Variants in NOXA1 observed in about 807,000 individuals in gnomAD.
The protein encoded by NOXA1 is NCF2-like protein.
Under a neutral mutation model 64.8 loss-of-function variants are expected in NOXA1, and 56 were observed. The ratio of observed to expected loss-of-function variants is 0.86; its 90% confidence interval spans 0.70 to 1.08. NOXA1 has a LOEUF of 1.08. Among genes scored for constraint, NOXA1 ranks in the 50% least tolerant of loss-of-function variants. NOXA1 has a pLI of 0.00. For missense variants in NOXA1, 668 were observed against 658.5 expected (o/e 1.01, Z -0.16); for synonymous variants, 295 against 294.8 (o/e 1.00, Z -0.01).
chr9:137,426,176 A>G lies in NOXA1; in HGVS notation c.178-72A>G, dbSNP rs928985572. 34 of 1,359,040 alleles carry G rather than the reference A, an allele frequency of 2.5e-5. No homozygotes were observed. In the African/African-American group the frequency reaches 4.0e-4, roughly 16 times the overall value. The allele number at this position is 1,359,040 out of a possible 1,614,324, so 84.2% of individuals were successfully genotyped here. On this transcript the variant is annotated intron_variant, in intron 1 of 13. Transcript: ENST00000683555. ...ACGGAATTCCGTGGCCCTGTCACCC[A>G]TCACGCTGTATCTGTGATGCTGCGT...
At position 137,423,680 on chromosome 9, in the gene NOXA1, G is replaced by C. The variant is rs1281656524; in HGVS notation, c.151G>C (p.Ala51Pro). 3.7e-6 allele frequency: 5 copies of C among 1,362,228 alleles called. No homozygotes were observed. Among genetic ancestry groups the C allele is most frequent in the Non-Finnish European group, 4.7e-6 (5 of 1,056,186 alleles). The allele number at this position is 1,362,228 out of a possible 1,614,324, so 84.4% of individuals were successfully genotyped here. A position where few individuals can be genotyped will look rare whatever the true frequency, so the allele number is the denominator to read the frequency against. The change falls in exon 1 of 14, where the codon GCC becomes CCC. Residue 51 changes from alanine to proline, a missense_variant. Transcript: ENST00000683555. The part of the protein sequence containing the change: ...CFNAGCVHLL[A>P]GDPEAALRAF... ...CAACGCGGGCTGCGTGCACCTGCTG[G>C]CCGGGGACCCCGAGGCCGCGCTGCG...
In NOXA1 at chr9:137,433,846, G is replaced by T; in HGVS notation, c.1161G>T (p.Gly387=). Residue 387 remains glycine, a synonymous_variant, in exon 12 of 14, where the codon GGG becomes GGT. Coordinates refer to ENST00000683555, the MANE Select transcript of NOXA1 (RefSeq NM_001256067.2). ...AGGACGCAGCTGCCTGCCCCAGGGG[G>T]CTGCAGCTGCAGTGCAGGGTGAGCC... is the stretch of plus-strand genomic sequence containing the variant. ...AWQDAAACPR[G]LQLQCRGAGG... is the part of the protein sequence containing the mutation. 1.4e-6 allele frequency: 2 copies of T among 1,451,140 alleles called. No individual in the cohort carries two copies. The highest frequency in any genetic ancestry group is 9.1e-7 in the Non-Finnish European group (1 of 1,099,438). 89.9% of individuals were successfully genotyped at this position (1,451,140 alleles called of 1,614,324 possible). A position where few individuals can be genotyped will look rare whatever the true frequency, so the allele number is the denominator to read the frequency against.
Position 137,431,475 on chromosome 9 carries a change from C to CT in NOXA1, c.804+134_804+135insT. On this transcript the variant is annotated intron_variant, in intron 8 of 13. Coordinates refer to ENST00000683555, the MANE Select transcript of NOXA1 (RefSeq NM_001256067.2). The surrounding 1 kb of genome is among the most constrained non-coding windows in gnomAD (Gnocchi z 5.6). ...GGGGGTAGACGGGGCCGGGCTCACC[C>CT]GTGGTCCTGGCCCAGCCCAGCCAGA... 1 of 753,176 alleles carries CT rather than the reference C, an allele frequency of 1.3e-6. No homozygotes were observed. The highest frequency in any genetic ancestry group is 1.7e-5 in the South Asian group (1 of 59,016). The allele number at this position is 753,176 out of a possible 1,614,324, so 46.7% of individuals were successfully genotyped here. A position where few individuals can be genotyped will look rare whatever the true frequency, so the allele number is the denominator to read the frequency against.
In NOXA1 at chr9:137,431,727, C is replaced by T. The variant is rs1029545740; in HGVS notation, c.804+386C>T. On this transcript the variant is annotated intron_variant, in intron 8 of 13. Coordinates refer to ENST00000683555, the MANE Select transcript of NOXA1 (RefSeq NM_001256067.2). The surrounding 1 kb of genome is among the most constrained non-coding windows in gnomAD (Gnocchi z 5.6). The stretch of plus-strand genomic sequence containing the variant: ...AGCTCTGGAGGGGCCCCAAGGCTCC[C>T]GCCCCCCATGGGGGCCCAGCAGCGA... Among the ~76,000 whole-genome samples, 5 of 152,112 alleles carry T rather than the reference C, an allele frequency of 3.3e-5. No individual in the cohort carries two copies. Among genetic ancestry groups the T allele is most frequent in the African/African-American group, 9.7e-5 (4 of 41,416 alleles).
chr9:137,431,022 G>T lies in NOXA1; in HGVS notation c.673-53G>T. 22 of 1,612,630 alleles carry T rather than the reference G, an allele frequency of 1.4e-5. No individual in the cohort carries two copies. Among genetic ancestry groups the T allele is most frequent in the Non-Finnish European group, 1.8e-5 (21 of 1,179,662 alleles). On this transcript the variant is annotated intron_variant, in intron 6 of 13. Coordinates refer to ENST00000683555, the MANE Select transcript of NOXA1 (RefSeq NM_001256067.2). This position sits in a 1 kb window ranked among gnomAD's most constrained non-coding sequence, Gnocchi z 5.6. ...CCACTCTTCAAGGTTCAGGAGGAGG[G>T]AGGGCGGCCCCCGACCCTTAACCAG...
chr9:137,429,653 C>A (rs1192999439), intron 5 of NOXA1, among the ~76,000 whole-genome samples: 1 of 152,180 alleles, frequency 6.6e-6, no homozygotes, highest in African/African-American at 2.4e-5. Context: ...CACCCCGCCC[C>A]CAGACTGGGC....
At chr9:137,433,631 C>G in intron 11 of NOXA1, 24 bp downstream of exon 11, 1 of 1,533,014 alleles carries the variant, frequency 6.5e-7, no homozygotes, top group Non-Finnish European at 8.8e-7. Context: ...CCCCCGGTGG[C>G]TGCGGTGGAG....
chr9:137,432,462 C>T (rs2131892273), intron 8 of NOXA1, among the ~76,000 whole-genome samples: 1 of 152,256 alleles, frequency 6.6e-6, no homozygotes, highest in South Asian at 2.1e-4. Context: ...CACCTGTAGT[C>T]CCAGCTACTC....
At chr9:137,428,182 T>G (rs1588463504) in intron 3 of NOXA1, 41 bp downstream of exon 3, 1 of 1,438,668 alleles carries the variant, frequency 7.0e-7, no homozygotes, top group Non-Finnish European at 9.5e-7. Context: ...GGCTGTGGGG[T>G]GTCCACGGGC....
At chr9:137,426,395 G>A in intron 2 of NOXA1, 65 bp downstream of exon 2, 1 of 1,319,110 alleles carries the variant, frequency 7.6e-7, no homozygotes, top group Non-Finnish European at 1.1e-6. Flanking sequence ...GTCCACTCCT[G>A]CACCTCCTCC....
intron 11 of NOXA1, 25 bp from the exon 12 acceptor site, chr9:137,433,725 C>T (rs1002379244): frequency 2.0e-6 from 3 of 1,468,460 alleles, no homozygotes; most frequent in Admixed American, 2.4e-5. Context: ...ACCCAGGAGG[C>T]CCCCTCTGAG....
Position 137,423,587 on chromosome 9 carries a change from C to T in NOXA1, c.58C>T (p.Arg20Cys). 1 of 1,481,672 alleles carries T rather than the reference C, an allele frequency of 6.7e-7. No homozygotes were observed. The highest frequency in any genetic ancestry group is 9.0e-7 in the Non-Finnish European group (1 of 1,116,900). 91.8% of individuals were successfully genotyped at this position (1,481,672 alleles called of 1,614,324 possible). Residue 20 changes from arginine to cysteine, a missense_variant, in exon 1 of 14, where the codon CGT becomes TGT. Coordinates refer to ENST00000683555, the MANE Select transcript of NOXA1 (RefSeq NM_001256067.2). ...GCACCTGGGCGCGCAGGCTGTGGATCGTGGGGACTGGGCCCGCGCCTTGCA... is the reference window on the plus strand; with the variant it reads ...GCACCTGGGCGCGCAGGCTGTGGATTGTGGGGACTGGGCCCGCGCCTTGCA... ...AWHLGAQAVD[R>C]GDWARALHLF...
rs1317622658 is a variant in NOXA1, at chr9:137,433,031, G to A, written c.807G>A (p.Arg269=). The change falls in exon 9 of 14, where the codon AGG becomes AGA. Residue 269 remains arginine, a splice_region_variant and synonymous_variant. Transcript: ENST00000683555. ...RCTSTAYQEQ[R]PQVEQVGKQA... is the part of the protein sequence containing the mutation. Reference sequence around the variant, plus strand: ...CCCAGCCTGTGCTTCTCTTGCAGAGGCCCCAGGTGGAGCAAGTTGGCAAAC... The same window carrying A: ...CCCAGCCTGTGCTTCTCTTGCAGAGACCCCAGGTGGAGCAAGTTGGCAAAC... 1 of 1,612,630 alleles carries A rather than the reference G, an allele frequency of 6.2e-7. No homozygotes were observed. The highest frequency in any genetic ancestry group is 1.1e-5 in the South Asian group (1 of 91,066).
chr9:137,428,221 G>A (rs1564236883), intron 3 of NOXA1, 80 bp downstream of exon 3: 2 of 1,031,140 alleles, frequency 1.9e-6, no homozygotes, highest in African/African-American at 1.6e-5. Context: ...GGGCCCTGTG[G>A]ACTGGGGAGC....
At chr9:137,430,474 G>C (rs1839065209) in intron 5 of NOXA1, among the ~76,000 whole-genome samples, 1 of 152,252 alleles carries the variant, frequency 6.6e-6, no homozygotes, top group Admixed American at 6.5e-5. Context: ...GGGAGGCCTG[G>C]GGTGGGCGAA....
rs978592382 is a variant in NOXA1, at chr9:137,431,868, G to C, written c.804+527G>C. 1.3e-5 allele frequency among the ~76,000 whole-genome samples: 2 copies of C among 152,162 alleles called. No homozygotes were observed. Among genetic ancestry groups the C allele is most frequent in the South Asian group, 4.1e-4 (2 of 4,830 alleles). ...GGGCGGAGGCTCTGCTGCAGGATCC[G>C]GGAGGCCCAGAGAAGGCACCTGCAT... On this transcript the variant is annotated intron_variant, in intron 8 of 13. Transcript: ENST00000683555. The surrounding 1 kb of genome is among the most constrained non-coding windows in gnomAD (Gnocchi z 5.6).
At chr9:137,430,280 C>A (rs1041381525) in intron 5 of NOXA1, among the ~76,000 whole-genome samples, 1 of 151,976 alleles carries the variant, frequency 6.6e-6, no homozygotes, top group East Asian at 1.9e-4. Flanking sequence ...GAATGGGGAG[C>A]TGCTCACCCC....
At chr9:137,430,061 G>A (rs1157123247) in intron 5 of NOXA1, among the ~76,000 whole-genome samples, 1 of 115,820 alleles carries the variant, frequency 8.6e-6, no homozygotes, top group East Asian at 2.7e-4. Flanking sequence ...GGTCCCGGGG[G>A]GCGGGGGTGC....
intron 1 of NOXA1, among the ~76,000 whole-genome samples, chr9:137,424,266 C>G (rs912262532): frequency 6.6e-6 from 1 of 152,208 alleles, no homozygotes; most frequent in African/African-American, 2.4e-5. Flanking sequence ...ACTGAAGGCT[C>G]GGTGACAGCA....
Sources: gnomAD v4.1 joint callset for allele counts (sites outside exome capture counted in the v4.1 genomes callset) on GRCh38, gnomAD v4.1.1 for gene constraint, Gnocchi (gnomAD v3.1) non-coding constraint, MANE v1.5 for transcripts, NCBI Gene and HGNC (gene_info 2026-07-23, HGNC 2026-07-21) for gene names.